SPRED1: variants seen among roughly 807,000 people sequenced by gnomAD.
The protein encoded by SPRED1 is sprouty related EVH1 domain containing 1.
SPRED1 carries 18 observed loss-of-function variants against 52.3 expected under a neutral mutation model. The observed-to-expected ratio is 0.34, with a 90% CI of 0.24 to 0.51. SPRED1 has a LOEUF of 0.51. SPRED1 is among the 20% of genes least tolerant of loss of function. SPRED1 has a pLI of 0.97. For missense variants in SPRED1, 485 were observed against 551.0 expected, an observed-to-expected ratio of 0.88 and a Z score of 1.20; for synonymous variants, 155 against 179.7, an observed-to-expected ratio of 0.86 and a Z score of 1.10.
Position 38,351,664 on chromosome 15 carries a change from A to G in SPRED1, c.1335A>G (p.Ter445TrpextTer7). ...CCGGKHKAAG[*>W] The stretch of plus-strand genomic sequence containing the variant: ...GTGGGAAACATAAAGCTGCTGGATG[A>G]AATGGTCCAGTGCCAAAATGAGCTT... Residue 445 changes from the stop codon to tryptophan, a stop_lost, in exon 7 of 7, where the codon TGA becomes TGG. Coordinates refer to ENST00000299084, the MANE Select transcript of SPRED1 (RefSeq NM_152594.3). 3 of 1,611,554 alleles carry G rather than the reference A, an allele frequency of 1.9e-6. No individual in the cohort carries two copies. In the East Asian group the frequency reaches 6.7e-5, roughly 36 times the overall value.
At chr15:38,324,082 A>G (rs566586471) in intron 3 of SPRED1, among the ~76,000 whole-genome samples, 8 of 152,292 alleles carry the variant, frequency 5.3e-5, no homozygotes, top group Middle Eastern at 3.4e-3. Context: ...TCTGTGACAA[A>G]AAGATAAAAT....
intron 2 of SPRED1, among the ~76,000 whole-genome samples, chr15:38,304,680 G>C (rs1382825784): frequency 6.6e-6 from 1 of 151,874 alleles, no homozygotes; most frequent in African/African-American, 2.4e-5. Flanking sequence ...TTGCAGTCTC[G>C]ACCTTCTGGT....
At chr15:38,256,767 A>T (rs1894106009) in intron 1 of SPRED1, among the ~76,000 whole-genome samples, 1 of 152,140 alleles carries the variant, frequency 6.6e-6, no homozygotes, top group Non-Finnish European at 1.5e-5. Flanking sequence ...AAGTGTAAAT[A>T]AACATATGTT....
chr15:38,291,244 G>A (rs1282871072), intron 1 of SPRED1, among the ~76,000 whole-genome samples: 1 of 152,242 alleles, frequency 6.6e-6, no homozygotes, highest in Non-Finnish European at 1.5e-5. Flanking sequence ...AGGTCTTGCT[G>A]ATGCAAGAGG....
chr15:38,338,301 TTG>T (rs1895962845), intron 4 of SPRED1, among the ~76,000 whole-genome samples: 1 of 149,398 alleles, frequency 6.7e-6, no homozygotes, highest in Admixed American at 6.7e-5. Context: ...TTGTTTTGTT[TTG>T]TTTTTTTTCT....
chr15:38,318,987 A>T (rs1213844094), intron 2 of SPRED1, among the ~76,000 whole-genome samples: 3 of 152,122 alleles, frequency 2.0e-5, no homozygotes, highest in Non-Finnish European at 4.4e-5. Context: ...AGGGTAGATC[A>T]CATTGAAATT....
chr15:38,340,216 A>G (rs1477031809), intron 5 of SPRED1, among the ~76,000 whole-genome samples: 1 of 152,240 alleles, frequency 6.6e-6, no homozygotes, highest in African/African-American at 2.4e-5. Context: ...ATATGTTTTT[A>G]TAGATCTCTT....
chr15:38,263,502 G>A (rs1894244848), intron 1 of SPRED1, among the ~76,000 whole-genome samples: 1 of 152,224 alleles, frequency 6.6e-6, no homozygotes, highest in African/African-American at 2.4e-5. Context: ...GTAGAAGAAA[G>A]AAGAGACGCC....
chr15:38,288,405 T>C (rs1490484929), intron 1 of SPRED1, among the ~76,000 whole-genome samples: 1 of 152,148 alleles, frequency 6.6e-6, no homozygotes. Context: ...ATCCTATTAA[T>C]GGAGGACAGA....
Position 38,252,924 on chromosome 15 carries a change from G to A in SPRED1, c.-262G>A. On this transcript the variant is annotated 5_prime_UTR_variant, in exon 1 of 7. Transcript: ENST00000299084. ...TTTCCCTTTCCACCGGGCCTCCTCG[G>A]ATCCCTTGGCTGGGCACTGAGGCGG... 1.7e-6 allele frequency: 1 copy of A among 577,990 alleles called. No individual in the cohort carries two copies. Among genetic ancestry groups the A allele is most frequent in the East Asian group, 2.9e-5 (1 of 34,188 alleles). The allele number at this position is 577,990 out of a possible 1,614,324, so 35.8% of individuals were successfully genotyped here.
chr15:38,324,135 C>G (rs553562282), intron 3 of SPRED1, among the ~76,000 whole-genome samples: 2 of 152,264 alleles, frequency 1.3e-5, no homozygotes, highest in South Asian at 4.1e-4. Context: ...TATCTCATGC[C>G]TACTCCGTGC....
chr15:38,286,826 A>G (rs940386180), intron 1 of SPRED1, among the ~76,000 whole-genome samples: 2 of 152,126 alleles, frequency 1.3e-5, no homozygotes, highest in Admixed American at 1.3e-4. Context: ...TCCCCTTTCC[A>G]GTATTTGAAT....
At position 38,351,172 on chromosome 15, in the gene SPRED1, G is replaced by C; in HGVS notation, c.843G>C (p.Gln281His). ...LERDDADSSI[Q>H]FSKPDSKKSD... is the part of the protein sequence containing the mutation. ...GAGATGATGCTGATTCCAGTATTCA[G>C]TTTTCTAAACCAGACAGTAAAAAAT... is the stretch of plus-strand genomic sequence containing the variant. Residue 281 changes from glutamine (Q) to histidine (H), a missense_variant, in exon 7 of 7, where the codon CAG (glutamine) becomes CAC (histidine). By Grantham distance (24) the Gln-to-His change is conservative. Coordinates refer to ENST00000299084, the MANE Select transcript of SPRED1 (RefSeq NM_152594.3). 4 of 1,614,070 alleles carry C rather than the reference G, an allele frequency of 2.5e-6. No individual in the cohort carries two copies. The highest frequency in any genetic ancestry group is 3.4e-6 in the Non-Finnish European group (4 of 1,180,002).
At chr15:38,306,766 C>G (rs565600797) in intron 2 of SPRED1, among the ~76,000 whole-genome samples, 7 of 152,144 alleles carry the variant, frequency 4.6e-5, no homozygotes, top group Non-Finnish European at 1.0e-4. Flanking sequence ...TCCTGGTTGC[C>G]TTTATTTTCT....
Position 38,349,422 on chromosome 15 carries a change from A to T in SPRED1, c.583A>T (p.Ile195Leu), listed in dbSNP as rs1385820657. The stretch of plus-strand genomic sequence containing the variant: ...TAAGTAGAAATTGTTTGTATTTTAG[A>T]TAACATTTGGTCAGCCAGGCTTGGA... ...RVYMQSQANQITFGQPGLDIQ... is the reference protein window; with the variant it reads ...RVYMQSQANQLTFGQPGLDIQ... The change falls in exon 6 of 7, where the codon ATA (isoleucine) becomes TTA (leucine). Residue 195 changes from isoleucine to leucine, a missense_variant and splice_region_variant. Coordinates refer to ENST00000299084, the MANE Select transcript of SPRED1 (RefSeq NM_152594.3). 1 of 1,607,074 alleles carries T rather than the reference A, an allele frequency of 6.2e-7. No individual in the cohort carries two copies. Among genetic ancestry groups the T allele is most frequent in the African/African-American group, 1.3e-5 (1 of 74,780 alleles).
chr15:38,313,710 A>T (rs1315176760), intron 2 of SPRED1, among the ~76,000 whole-genome samples: 1 of 151,620 alleles, frequency 6.6e-6, no homozygotes, highest in Non-Finnish European at 1.5e-5. Flanking sequence ...TCCTTTCTGT[A>T]GATATTTTTA....
At chr15:38,290,623 G>A (rs1037325352) in intron 1 of SPRED1, among the ~76,000 whole-genome samples, 1 of 152,174 alleles carries the variant, frequency 6.6e-6, no homozygotes, top group Non-Finnish European at 1.5e-5. Flanking sequence ...GGCTGGAGAG[G>A]CCTCAGAGTC....
chr15:38,306,602 T>G (rs1479603102), intron 2 of SPRED1, among the ~76,000 whole-genome samples: 1 of 152,200 alleles, frequency 6.6e-6, no homozygotes, highest in Non-Finnish European at 1.5e-5. Flanking sequence ...CCCCAGCAGT[T>G]GTTTTGCAAC....
At chr15:38,295,283 TCA>T (rs1343982521) in intron 1 of SPRED1, among the ~76,000 whole-genome samples, 2 of 140,312 alleles carry the variant, frequency 1.4e-5, no homozygotes, top group Non-Finnish European at 2.9e-5. Flanking sequence ...TTAAAAAAAA[TCA>T]CACAAAAATT....
Sources: gnomAD v4.1 joint callset for allele counts (sites outside exome capture counted in the v4.1 genomes callset) on GRCh38, gnomAD v4.1.1 for gene constraint, MANE v1.5 for transcripts, NCBI Gene and HGNC (gene_info 2026-07-23, HGNC 2026-07-21) for gene names.